The following HERC2 variants were observed in gnomAD, a reference collection of about 807,000 sequenced individuals.
HERC2 encodes HECT and RLD domain containing E3 ubiquitin protein ligase 2.
Under a neutral mutation model 537.7 loss-of-function variants are expected in HERC2, and 102 were observed. The observed-to-expected ratio is 0.19, with a 90% confidence interval of 0.16 to 0.22. The LOEUF (loss-of-function observed/expected upper bound fraction) is 0.22, where lower values mean the gene tolerates loss of function less well. Ranked by LOEUF, HERC2 falls within the 10% of genes least tolerant of loss-of-function variation. The pLI, the probability that HERC2 is intolerant of heterozygous loss-of-function variation, is 1.00. For synonymous variants in HERC2, 2,224 were observed against 2,466.2 expected (o/e 0.90, Z 2.91); for missense variants, 4,236 against 6,198.2 (o/e 0.68, Z 10.63).
chr15:28,296,278 A>G (rs1386229162), intron 3 of HERC2, among the ~76,000 whole-genome samples: 1 of 152,140 alleles, frequency 6.6e-6, no homozygotes, highest in Admixed American at 6.6e-5. Flanking sequence ...GTTCAAGACC[A>G]GCCTGACCAA....
chr15:28,202,120 T>C lies in HERC2; in HGVS notation c.7610A>G (p.Tyr2537Cys), dbSNP rs1430847161. Reference sequence around the variant, plus strand: ...CACATGGGAGGCACTGACCATGGAGTAGGCGGCATCATCCACGTCCTCCAC... The same window carrying C: ...CACATGGGAGGCACTGACCATGGAGCAGGCGGCATCATCCACGTCCTCCAC... ...EVVEDVDDAA[Y>C]SMSTGAVVTE... Residue 2537 changes from tyrosine to cysteine, a missense_variant, in exon 47 of 93, where the codon TAC becomes TGC. By Grantham distance (194) the Tyr-to-Cys change is radical. Transcript: ENST00000261609. 6 of 1,536,350 alleles carry C rather than the reference T, an allele frequency of 3.9e-6. No homozygotes were observed. The highest frequency in any genetic ancestry group is 1.7e-5 in the Admixed American group (1 of 58,270).
At chr15:28,166,546 C>G (rs1223782583) in intron 68 of HERC2, among the ~76,000 whole-genome samples, 1 of 152,220 alleles carries the variant, frequency 6.6e-6, no homozygotes, top group African/African-American at 2.4e-5. Flanking sequence ...AAGCCACTAG[C>G]AGGAACCATG....
chr15:28,241,587 C>T (rs1376586923), intron 23 of HERC2, among the ~76,000 whole-genome samples: 13 of 152,252 alleles, frequency 8.5e-5, no homozygotes, highest in African/African-American at 2.6e-4. Context: ...TTTGGGAGGC[C>T]GAGGTGGGCA....
chr15:28,185,093 G>T (rs1455314588), intron 56 of HERC2, among the ~76,000 whole-genome samples: 1 of 150,536 alleles, frequency 6.6e-6, no homozygotes, highest in African/African-American at 2.5e-5. Flanking sequence ...TCTAGATAAG[G>T]TAATGTTATA....
Position 28,201,551 on chromosome 15 carries a change from T to C in HERC2, c.7621A>G (p.Thr2541Ala). Residue 2541 changes from threonine (T) to alanine (A), a missense_variant, in exon 48 of 93, where the codon ACT becomes GCT. Coordinates refer to ENST00000261609, the MANE Select transcript of HERC2 (RefSeq NM_004667.6). The part of the protein sequence containing the change: ...DVDDAAYSMS[T>A]GAVVTESQTY... The stretch of plus-strand genomic sequence containing the variant: ...TGGCTCTCCGTCACAACAGCACCAG[T>C]AGACTGCAAGAAATAAATACATTCA... The C allele has an allele frequency of 6.2e-7, 1 of 1,606,974 alleles. No homozygotes were observed. The highest frequency in any genetic ancestry group is 8.5e-7 in the Non-Finnish European group (1 of 1,173,568).
intron 8 of HERC2, 110 bp downstream of exon 8, chr15:28,272,784 G>T: frequency 1.4e-6 from 1 of 694,838 alleles, no homozygotes; most frequent in Non-Finnish European, 2.4e-6. Context: ...TCCGTACAGA[G>T]TACCACATCT....
intron 88 of HERC2, among the ~76,000 whole-genome samples, chr15:28,116,106 T>C (rs1888209351): frequency 6.6e-6 from 1 of 152,194 alleles, no homozygotes; most frequent in Non-Finnish European, 1.5e-5. Flanking sequence ...TGCACAGAGC[T>C]TCCGACGGTC....
intron 4 of HERC2, among the ~76,000 whole-genome samples, chr15:28,288,775 G>A (rs897530441): frequency 6.0e-5 from 9 of 150,312 alleles, no homozygotes; most frequent in African/African-American, 1.5e-4. Flanking sequence ...TTGAACCCAC[G>A]TGGGGGAGGT....
Position 28,312,753 on chromosome 15 carries a change from G to A in HERC2, c.72+8609C>T, listed in dbSNP as rs150494948. On this transcript the variant is annotated intron_variant, in intron 2 of 92. Coordinates refer to ENST00000261609, the MANE Select transcript of HERC2 (RefSeq NM_004667.6). Reference sequence around the variant, plus strand: ...TTATTAGTAGCTGACTTACCTAAACGTGCCCAGTAGATTTTCAACTTTTGA... The same window carrying A: ...TTATTAGTAGCTGACTTACCTAAACATGCCCAGTAGATTTTCAACTTTTGA... 4,060 of 866,374 alleles carry A rather than the reference G, an allele frequency of 4.7e-3. 89 individuals are homozygous for A. The African/African-American group carries it at 0.071, about 15-fold the overall frequency. The allele number at this position is 866,374 out of a possible 1,614,324, so 53.7% of individuals were successfully genotyped here. A position where few individuals can be genotyped will look rare whatever the true frequency, so the allele number is the denominator to read the frequency against.
At chr15:28,152,864 C>T in intron 69 of HERC2, 34 bp from the exon 70 acceptor site, 1 of 1,547,822 alleles carries the variant, frequency 6.5e-7, no homozygotes, top group Admixed American at 1.9e-5. Context: ...ATGAGGGGGC[C>T]AACAGCCCCA....
intron 68 of HERC2, among the ~76,000 whole-genome samples, chr15:28,165,440 A>T (rs1278022149): frequency 6.6e-6 from 1 of 152,194 alleles, no homozygotes; most frequent in Admixed American, 6.5e-5. Context: ...TTGGGTTACA[A>T]TCAATCATAT....
At chr15:28,294,839 T>A (rs1322101047) in intron 3 of HERC2, among the ~76,000 whole-genome samples, 1 of 152,016 alleles carries the variant, frequency 6.6e-6, no homozygotes, top group Non-Finnish European at 1.5e-5. Flanking sequence ...CTGTCCAGTG[T>A]CAGTGTCCTA....
intron 16 of HERC2, 22 bp from the exon 17 acceptor site, chr15:28,257,283 T>G (rs751564060): frequency 6.2e-7 from 1 of 1,605,322 alleles, no homozygotes; most frequent in Admixed American, 1.7e-5. Flanking sequence ...CGCAACAATC[T>G]AAAATGAATC....
intron 23 of HERC2, among the ~76,000 whole-genome samples, chr15:28,243,311 T>C (rs1002100189): frequency 1.3e-5 from 2 of 152,342 alleles, no homozygotes; most frequent in South Asian, 2.1e-4. Flanking sequence ...ATAAAACTTT[T>C]AAGGTGTAAA....
At chr15:28,307,248 C>T (rs1444258236) in intron 2 of HERC2, among the ~76,000 whole-genome samples, 1 of 152,192 alleles carries the variant, frequency 6.6e-6, no homozygotes, top group Admixed American at 6.5e-5. Context: ...ACTTTTTCAC[C>T]TCTGATTTGG....
chr15:28,189,090 A>T (rs1555420532), intron 55 of HERC2, among the ~76,000 whole-genome samples: 2 of 152,180 alleles, frequency 1.3e-5, no homozygotes, highest in Non-Finnish European at 2.9e-5. Context: ...CAGTCTCAAA[A>T]AAAAGAAAAG....
At chr15:28,198,916 G>A (rs934209405) in intron 48 of HERC2, 147 bp from the exon 49 acceptor site, 1 of 723,296 alleles carries the variant, frequency 1.4e-6, no homozygotes, top group Non-Finnish European at 2.2e-6. Flanking sequence ...GGGAGGCTGA[G>A]GTGGGAGGAT....
intron 19 of HERC2, among the ~76,000 whole-genome samples, 163 bp downstream of exon 19, chr15:28,255,709 C>T (rs1235867046): frequency 6.6e-6 from 1 of 152,124 alleles, no homozygotes; most frequent in African/African-American, 2.4e-5. Flanking sequence ...AATCATATCT[C>T]AATAATTTTG....
chr15:28,265,758 T>A lies in HERC2; in HGVS notation c.1757-27A>T, dbSNP rs2075547227. The A allele has an allele frequency of 1.2e-6, 2 of 1,613,792 alleles. No homozygotes were observed. Among genetic ancestry groups the A allele is most frequent in the East Asian group, 4.5e-5 (2 of 44,840 alleles). Reference sequence around the variant, plus strand: ...TTCAAACAGATAGGACGGCGGTTACTAAGTCCTGTAAGAGGCCACCTCCTG... The same window carrying A: ...TTCAAACAGATAGGACGGCGGTTACAAAGTCCTGTAAGAGGCCACCTCCTG... On this transcript the variant is annotated intron_variant, in intron 13 of 92. Coordinates refer to ENST00000261609, the MANE Select transcript of HERC2 (RefSeq NM_004667.6). The surrounding 1 kb of genome is among the most constrained non-coding windows in gnomAD (Gnocchi z 4.0).
Sources: allele counts gnomAD v4.1 joint callset (sites outside exome capture counted in the v4.1 genomes callset), GRCh38; gene constraint gnomAD v4.1.1; non-coding constraint Gnocchi (gnomAD v3.1); transcripts MANE v1.5; gene names NCBI Gene and HGNC (gene_info 2026-07-23, HGNC 2026-07-21).